NTRK3: variants seen among roughly 807,000 people sequenced by gnomAD.
NTRK3 encodes neurotrophic receptor tyrosine kinase 3.
Under a neutral mutation model 91.7 loss-of-function variants are expected in NTRK3, and 24 were observed. The observed-to-expected ratio is 0.26, with a 90% CI of 0.19 to 0.37. NTRK3 has a LOEUF of 0.37. NTRK3 is among the 10% of genes least tolerant of loss of function. The probability of loss-of-function intolerance (pLI) is 1.00; values close to 1 mark genes in which losing one functional copy is unlikely to be tolerated. For synonymous variants in NTRK3, 483 were observed against 404.0 expected (o/e 1.20, Z -2.34); for missense variants, 880 against 1,068.9 (o/e 0.82, Z 2.46).
At chr15:88,162,595 C>T (rs1183974755) in intron 5 of NTRK3, among the ~76,000 whole-genome samples, 4 of 152,198 alleles carry the variant, frequency 2.6e-5, no homozygotes, top group Admixed American at 1.3e-4. Context: ...ACTCAGCATA[C>T]GCGCTAAATG....
intron 14 of NTRK3, among the ~76,000 whole-genome samples, chr15:88,016,448 C>G (rs879668276): frequency 1.2e-4 from 19 of 152,180 alleles, no homozygotes; most frequent in Non-Finnish European, 1.9e-4. Context: ...TGAACTTTCT[C>G]CTGGACCGTA....
intron 13 of NTRK3, among the ~76,000 whole-genome samples, chr15:88,074,059 G>A (rs925208222): frequency 2.6e-5 from 4 of 152,162 alleles, no homozygotes; most frequent in African/African-American, 9.7e-5. Context: ...GAATATGCAG[G>A]TGCTACCAGC....
intron 3 of NTRK3, among the ~76,000 whole-genome samples, chr15:88,249,853 G>C (rs574332452): frequency 8.5e-5 from 13 of 152,282 alleles, no homozygotes; most frequent in Admixed American, 3.3e-4. Context: ...TTCATCACCA[G>C]CATCTGAGTG....
intron 3 of NTRK3, among the ~76,000 whole-genome samples, chr15:88,186,244 A>G (rs1467194199): frequency 2.6e-5 from 4 of 152,192 alleles, no homozygotes; most frequent in Non-Finnish European, 5.9e-5. Context: ...AATTGTTTAA[A>G]TCACTGAAAT....
intron 5 of NTRK3, among the ~76,000 whole-genome samples, chr15:88,148,194 C>G (rs1035785830): frequency 1.3e-5 from 2 of 152,150 alleles, no homozygotes; most frequent in South Asian, 4.1e-4. Context: ...ATACTTGTGT[C>G]TATTAAACAT....
intron 13 of NTRK3, among the ~76,000 whole-genome samples, chr15:88,123,536 G>C (rs1474933050): frequency 6.6e-6 from 1 of 152,228 alleles, no homozygotes; most frequent in Admixed American, 6.5e-5. Context: ...AATAATTGAA[G>C]AGATTTATTC....
chr15:87,931,118 C>G, intron 16 of NTRK3: 2 of 440,366 alleles, frequency 4.5e-6, no homozygotes, highest in Non-Finnish European at 8.9e-6. Flanking sequence ...TAGGCTCTCA[C>G]TCTTTATTTC....
chr15:88,134,960 G>T, intron 10 of NTRK3, 141 bp downstream of exon 10: 2 of 1,005,744 alleles, frequency 2.0e-6, no homozygotes, highest in Non-Finnish European at 3.1e-6. Flanking sequence ...GCTGGTGGTT[G>T]CACATGTTCC....
At chr15:88,167,582 G>T (rs2045099158) in intron 5 of NTRK3, among the ~76,000 whole-genome samples, 1 of 152,184 alleles carries the variant, frequency 6.6e-6, no homozygotes, top group Non-Finnish European at 1.5e-5. Flanking sequence ...ATTTTGAGAT[G>T]TGGTATGTAA....
intron 3 of NTRK3, among the ~76,000 whole-genome samples, chr15:88,202,120 G>T (rs1033017615): frequency 1.3e-5 from 2 of 152,132 alleles, no homozygotes; most frequent in Non-Finnish European, 2.9e-5. Flanking sequence ...CCATTCTCCA[G>T]CTGACTACTG....
chr15:87,897,251 C>A (rs1426997155), intron 17 of NTRK3, among the ~76,000 whole-genome samples: 1 of 152,140 alleles, frequency 6.6e-6, no homozygotes, highest in African/African-American at 2.4e-5. Context: ...CTGAGGGAAG[C>A]CCCAGGAACA....
chr15:88,036,755 G>A (rs1425741660), intron 13 of NTRK3, among the ~76,000 whole-genome samples: 3 of 152,126 alleles, frequency 2.0e-5, no homozygotes, highest in African/African-American at 4.8e-5. Flanking sequence ...TGTAGACCAC[G>A]GAATGCAGGA....
intron 3 of NTRK3, among the ~76,000 whole-genome samples, chr15:88,225,468 T>C (rs976989497): frequency 2.0e-5 from 3 of 152,136 alleles, no homozygotes; most frequent in African/African-American, 7.2e-5. Context: ...GACCCCTGGA[T>C]GCTGTTCAGA....
intron 13 of NTRK3, among the ~76,000 whole-genome samples, chr15:88,055,043 C>G (rs1418335303): frequency 6.6e-6 from 1 of 152,154 alleles, no homozygotes; most frequent in Non-Finnish European, 1.5e-5. Flanking sequence ...CTGTGCTTTA[C>G]AAAGCCATGA....
chr15:87,998,656 A>AG, intron 14 of NTRK3, among the ~76,000 whole-genome samples: 1 of 152,186 alleles, frequency 6.6e-6, no homozygotes, highest in East Asian at 1.9e-4. Context: ...TTACTTATTT[A>AG]ATCAGAATCT....
At chr15:87,917,997 GTTT>G (rs5814312) in intron 17 of NTRK3, among the ~76,000 whole-genome samples, 1 of 150,108 alleles carries the variant, frequency 6.7e-6, no homozygotes, top group African/African-American at 2.4e-5. Flanking sequence ...GTTTTTTTGT[GTTT>G]TTTTTTTGTT....
chr15:88,203,499 A>T lies in NTRK3; in HGVS notation c.249-19200T>A, dbSNP rs185042860. On this transcript the variant is annotated intron_variant, in intron 3 of 18. Transcript: ENST00000394480. Reference sequence around the variant, plus strand: ...ACCACCCTAACGAACAGGTTTTATCATTCTTGTTTATAAATGAAAGGCACC... The same window carrying T: ...ACCACCCTAACGAACAGGTTTTATCTTTCTTGTTTATAAATGAAAGGCACC... 7.9e-5 allele frequency among the ~76,000 whole-genome samples: 12 copies of T among 152,264 alleles called. No individual in the cohort carries two copies. The East Asian group carries it at 2.1e-3, about 27-fold the overall frequency.
chr15:87,883,888 G>A (rs1351491497), intron 17 of NTRK3, among the ~76,000 whole-genome samples: 1 of 147,452 alleles, frequency 6.8e-6, no homozygotes, highest in Non-Finnish European at 1.5e-5. Context: ...TGAAATCTAT[G>A]AAATATAACT....
chr15:87,965,155 G>T (rs1057311392), intron 14 of NTRK3, among the ~76,000 whole-genome samples: 8 of 152,236 alleles, frequency 5.3e-5, no homozygotes, highest in Admixed American at 1.3e-4. Flanking sequence ...AAGATTAGAA[G>T]GCAGAAAGCT....
Sources: allele counts gnomAD v4.1 joint callset (sites outside exome capture counted in the v4.1 genomes callset), GRCh38; gene constraint gnomAD v4.1.1; transcripts MANE v1.5; gene names NCBI Gene and HGNC (gene_info 2026-07-23, HGNC 2026-07-21).